The following SMNDC1 variants were observed in gnomAD, a reference collection of about 807,000 sequenced individuals.
The protein encoded by SMNDC1 is survival motor neuron domain containing 1, also known as survival of motor neuron-related-splicing factor 30.
SMNDC1 carries 5 observed loss-of-function variants against 29.2 expected under a neutral mutation model. That is an observed-to-expected ratio of 0.17 (90% confidence interval 0.09 to 0.36). SMNDC1 has a LOEUF of 0.36. Among genes scored for constraint, SMNDC1 ranks in the 10% least tolerant of loss-of-function variants. SMNDC1 has a pLI of 1.00. For missense variants in SMNDC1, 142 were observed against 268.5 expected (o/e 0.53, Z 3.29); for synonymous variants, 80 against 89.9 (o/e 0.89, Z 0.62).
intron 5 of SMNDC1, among the ~76,000 whole-genome samples, chr10:110,294,850 A>G (rs1857542948): frequency 6.6e-6 from 1 of 152,226 alleles, no homozygotes; most frequent in Non-Finnish European, 1.5e-5. Context: ...ACACAAGGTA[A>G]GTGTATCAAG....
chr10:110,301,262 G>C (rs933870266), intron 2 of SMNDC1, among the ~76,000 whole-genome samples: 7 of 139,620 alleles, frequency 5.0e-5, no homozygotes, highest in African/African-American at 1.3e-4. Flanking sequence ...AGGGGAATGA[G>C]GGGGGGAACC....
At chr10:110,298,013 C>T (rs1167740202) in intron 3 of SMNDC1, among the ~76,000 whole-genome samples, 1 of 152,034 alleles carries the variant, frequency 6.6e-6, no homozygotes, top group Non-Finnish European at 1.5e-5. Context: ...TTTTTTGCGA[C>T]AGAGTCTCAC....
chr10:110,303,410 G>T, intron 2 of SMNDC1, 58 bp downstream of exon 2: 1 of 1,498,588 alleles, frequency 6.7e-7, no homozygotes, highest in South Asian at 1.3e-5. Context: ...GGGTACTTAG[G>T]GATTCAAGCA....
chr10:110,303,592 GGAAAATAAAAAGGGTTAGACCAT>G lies in SMNDC1; in HGVS notation c.1-28_1-6del. ...CTTTGCTAAATCCTCTGACATCTAG[GGAAAATAAAAAGGGTTAGACCAT>G]GAAAACTAAACCAAAAATCAAGGCA... On this transcript the variant is annotated splice_polypyrimidine_tract_variant and splice_region_variant and intron_variant, in intron 1 of 5. Transcript: ENST00000369603. 6.4e-7 allele frequency: 1 copy of G among 1,573,942 alleles called. No homozygotes were observed. The highest frequency in any genetic ancestry group is 8.6e-7 in the Non-Finnish European group (1 of 1,166,298).
At position 110,293,973 on chromosome 10, in the gene SMNDC1, TTAAA is replaced by T; in HGVS notation, c.*173_*176del. 2.0e-6 allele frequency: 1 copy of T among 491,972 alleles called. No homozygotes were observed. 30.5% of individuals were successfully genotyped at this position (491,972 alleles called of 1,614,324 possible). On this transcript the variant is annotated 3_prime_UTR_variant, in exon 6 of 6. Transcript: ENST00000369603. The stretch of plus-strand genomic sequence containing the variant: ...ACCGTGGTACTGATAATGAGAAAAG[TTAAA>T]TGAATAGCAGTTATCAAATGCAATT...
chr10:110,295,468 ATC>A, intron 4 of SMNDC1, 87 bp from the exon 5 acceptor site: 1 of 991,258 alleles, frequency 1.0e-6, no homozygotes, highest in African/African-American at 1.7e-5. Flanking sequence ...CAAAAAAAAA[ATC>A]TAATAAACAT....
Position 110,297,467 on chromosome 10 carries a change from A to T in SMNDC1, c.425+100T>A, listed in dbSNP as rs1857581733. 1.1e-5 allele frequency: 12 copies of T among 1,072,840 alleles called. No homozygotes were observed. The South Asian group carries it at 1.9e-4, about 17-fold the overall frequency. The allele number at this position is 1,072,840 out of a possible 1,614,324, so 66.5% of individuals were successfully genotyped here. A position where few individuals can be genotyped will look rare whatever the true frequency, so the allele number is the denominator to read the frequency against. The stretch of plus-strand genomic sequence containing the variant: ...CTAATCTTCAAAACAACGGTAAAAC[A>T]GTATTACAACTTTCTTATGCATAGA... On this transcript the variant is annotated intron_variant, in intron 4 of 5. Transcript: ENST00000369603.
Position 110,291,544 on chromosome 10 carries a change from A to G in SMNDC1, c.*2606T>C, listed in dbSNP as rs1486790869. 6.6e-6 allele frequency: 1 copy of G among 152,254 alleles called. No homozygotes were observed. Among genetic ancestry groups the G allele is most frequent in the Non-Finnish European group, 1.5e-5 (1 of 68,038 alleles). The allele number at this position is 152,254 out of a possible 1,614,324, so 9.4% of individuals were successfully genotyped here. A position where few individuals can be genotyped will look rare whatever the true frequency, so the allele number is the denominator to read the frequency against. On this transcript the variant is annotated 3_prime_UTR_variant, in exon 6 of 6. Transcript: ENST00000369603. Reference sequence around the variant, plus strand: ...CACCACTGCCACTCTGCAGAGTAATAGCAGACGCTTCTATAGTGCTTATGC... The same window carrying G: ...CACCACTGCCACTCTGCAGAGTAATGGCAGACGCTTCTATAGTGCTTATGC...
In SMNDC1 at chr10:110,294,004, C is replaced by T. The variant is rs956741130; in HGVS notation, c.*146G>A. ...GAATAGCAGTTATCAAATGCAATTT[C>T]TTCACGTTTCATTCTACTGAAGCCA... On this transcript the variant is annotated 3_prime_UTR_variant, in exon 6 of 6. Transcript: ENST00000369603. 1.8e-6 allele frequency: 1 copy of T among 570,236 alleles called. No homozygotes were observed. The highest frequency in any genetic ancestry group is 2.9e-6 in the Non-Finnish European group (1 of 343,448). The allele number at this position is 570,236 out of a possible 1,614,324, so 35.3% of individuals were successfully genotyped here. A position where few individuals can be genotyped will look rare whatever the true frequency, so the allele number is the denominator to read the frequency against.
chr10:110,299,093 C>T (rs1857609085), intron 2 of SMNDC1, among the ~76,000 whole-genome samples: 3 of 152,104 alleles, frequency 2.0e-5, no homozygotes, highest in Admixed American at 2.0e-4. Flanking sequence ...CCTATTTTAG[C>T]TGAATAGATC....
intron 5 of SMNDC1, 39 bp downstream of exon 5, chr10:110,295,189 C>T (rs774362059): frequency 4.6e-6 from 7 of 1,533,296 alleles, no homozygotes; most frequent in Non-Finnish European, 4.4e-6. Flanking sequence ...ATGACAGTTG[C>T]ATTTCTCAAA....
intron 2 of SMNDC1, among the ~76,000 whole-genome samples, chr10:110,301,653 C>T (rs1258653155): frequency 1.3e-5 from 2 of 152,112 alleles, no homozygotes; most frequent in African/African-American, 4.8e-5. Flanking sequence ...TGGCTAGTGG[C>T]TATGGTACTG....
chr10:110,295,218 A>G lies in SMNDC1; in HGVS notation c.579+10T>C, dbSNP rs1458598723. Reference sequence around the variant, plus strand: ...TCTCAAATTTACAAAGTGTAAAAAGATTTACCAACCTGGCCTTTTTTGTTT... The same window carrying G: ...TCTCAAATTTACAAAGTGTAAAAAGGTTTACCAACCTGGCCTTTTTTGTTT... On this transcript the variant is annotated intron_variant, in intron 5 of 5. Coordinates refer to ENST00000369603, the MANE Select transcript of SMNDC1 (RefSeq NM_005871.4). The G allele has an allele frequency of 5.7e-6, 9 of 1,580,488 alleles. No homozygotes were observed. Among genetic ancestry groups the G allele is most frequent in the Non-Finnish European group, 7.7e-6 (9 of 1,171,158 alleles).
At position 110,291,809 on chromosome 10, in the gene SMNDC1, C is replaced by T. The variant is rs917752815; in HGVS notation, c.*2341G>A. 4 of 152,216 alleles carry T rather than the reference C, an allele frequency of 2.6e-5. No individual in the cohort carries two copies. The highest frequency in any genetic ancestry group is 4.8e-5 in the African/African-American group (2 of 41,446). The allele number at this position is 152,216 out of a possible 1,614,324, so 9.4% of individuals were successfully genotyped here. A position where few individuals can be genotyped will look rare whatever the true frequency, so the allele number is the denominator to read the frequency against. Reference sequence around the variant, plus strand: ...TAGCACTTGTTACCTGTGATTACCACTAAAACTCAACATTTTATTTTCGGG... The same window carrying T: ...TAGCACTTGTTACCTGTGATTACCATTAAAACTCAACATTTTATTTTCGGG... On this transcript the variant is annotated 3_prime_UTR_variant, in exon 6 of 6. Coordinates refer to ENST00000369603, the MANE Select transcript of SMNDC1 (RefSeq NM_005871.4).
At chr10:110,300,355 T>C (rs1857627851) in intron 2 of SMNDC1, among the ~76,000 whole-genome samples, 1 of 152,242 alleles carries the variant, frequency 6.6e-6, no homozygotes, top group Non-Finnish European at 1.5e-5. Context: ...CAGAGGCCTG[T>C]GCTGAAATGA....
At chr10:110,295,466 A>T (rs1857551764) in intron 4 of SMNDC1, 85 bp from the exon 5 acceptor site, 1 of 1,021,864 alleles carries the variant, frequency 9.8e-7, no homozygotes, top group Non-Finnish European at 1.4e-6. Context: ...TGCAAAAAAA[A>T]AATCTAATAA....
intron 3 of SMNDC1, 41 bp downstream of exon 3, chr10:110,298,607 T>G: frequency 6.5e-7 from 1 of 1,527,502 alleles, no homozygotes; most frequent in Non-Finnish European, 8.9e-7. Flanking sequence ...TTGTATTTTA[T>G]TATTTCATGT....
rs1487572993 is a variant in SMNDC1 at position 110,303,468 on chromosome 10, T to C, written c.120A>G (p.Gln40=). ...EDLLKLKKDL[Q]EVIELTKDLL... ...AGTACAATTGTCTACCCATACTTAC[T>C]TGTAAATCTTTCTTCAATTTTAGCA... Residue 40 remains glutamine (Q), a splice_region_variant and synonymous_variant, in exon 2 of 6, where the codon CAA becomes CAG. Coordinates refer to ENST00000369603, the MANE Select transcript of SMNDC1 (RefSeq NM_005871.4). The C allele has an allele frequency of 2.5e-6, 4 of 1,582,822 alleles. No homozygotes were observed. Among genetic ancestry groups the C allele is most frequent in the African/African-American group, 2.8e-5 (2 of 72,452 alleles).
rs1290765241 is a variant in SMNDC1 at position 110,294,207 on chromosome 10, A to G, written c.660T>C (p.Pro220=). The G allele has an allele frequency of 2.3e-5, 37 of 1,606,466 alleles. No individual in the cohort carries two copies. Among genetic ancestry groups the G allele is most frequent in the Non-Finnish European group, 3.1e-5 (36 of 1,176,236 alleles). The change falls in exon 6 of 6, where the codon CCT becomes CCC. Residue 220 remains proline, a synonymous_variant. Coordinates refer to ENST00000369603, the MANE Select transcript of SMNDC1 (RefSeq NM_005871.4). The stretch of plus-strand genomic sequence containing the variant: ...TAGAGGTATCTTGATATTGTGTCAT[A>G]GGTTTATCAGCAATTCCACAGGTTC... The part of the protein sequence containing the change: ...GVGTCGIADK[P]MTQYQDTSKY...
Sources: allele counts gnomAD v4.1 joint callset (sites outside exome capture counted in the v4.1 genomes callset), GRCh38; gene constraint gnomAD v4.1.1; transcripts MANE v1.5; gene names NCBI Gene and HGNC (gene_info 2026-07-23, HGNC 2026-07-21).